SPIRE1: variants seen among roughly 807,000 people sequenced by gnomAD.
The protein encoded by SPIRE1 is spire type actin nucleation factor 1.
A neutral mutation model predicts 94.1 loss-of-function variants in SPIRE1; 40 were observed. That is an observed-to-expected ratio of 0.43 (90% CI 0.33 to 0.55). The LOEUF (loss-of-function observed/expected upper bound fraction) is 0.55. Ranked by LOEUF, SPIRE1 falls within the 20% of genes least tolerant of loss-of-function variation. The pLI is 0.06. For synonymous variants in SPIRE1, 376 were observed against 371.7 expected, an observed-to-expected ratio of 1.01 and a Z score of -0.13; for missense variants, 838 against 975.2, an observed-to-expected ratio of 0.86 and a Z score of 1.87.
chr18:12,508,136 T>C (rs1156572895), intron 5 of SPIRE1, among the ~76,000 whole-genome samples: 2 of 151,724 alleles, frequency 1.3e-5, no homozygotes, highest in Admixed American at 6.6e-5. Context: ...CAGAGTGAGA[T>C]TCCATCTCAA....
Position 12,657,972 on chromosome 18 carries a change from G to A in SPIRE1, c.-106C>T, listed in dbSNP as rs2038607273. On this transcript the variant is annotated 5_prime_UTR_variant, in exon 1 of 17. Coordinates refer to ENST00000409402, the MANE Select transcript of SPIRE1 (RefSeq NM_001128626.2). ...CCGCCTCACCATCCCCGGAACCGCC[G>A]CCGCCCAACGCGGCCGCGCGCGCCG... 4.0e-6 allele frequency: 4 copies of A among 995,136 alleles called. No homozygotes were observed. Among genetic ancestry groups the A allele is most frequent in the Non-Finnish European group, 4.8e-6 (4 of 837,298 alleles). The allele number at this position is 995,136 out of a possible 1,614,324, so 61.6% of individuals were successfully genotyped here. A position where few individuals can be genotyped will look rare whatever the true frequency, so the allele number is the denominator to read the frequency against.
chr18:12,493,234 G>A (rs760576924), intron 7 of SPIRE1, 33 bp from the exon 8 acceptor site: 1 of 1,587,280 alleles, frequency 6.3e-7, no homozygotes, highest in Admixed American at 1.9e-5. Flanking sequence ...AAAGACTTCA[G>A]TAATTAAGTA....
chr18:12,468,052 G>A (rs908450515), intron 10 of SPIRE1, among the ~76,000 whole-genome samples: 1 of 152,142 alleles, frequency 6.6e-6, no homozygotes, highest in African/African-American at 2.4e-5. Context: ...ACTCCAGGGT[G>A]GAAACCAGTT....
chr18:12,450,153 T>C (rs191340317), intron 16 of SPIRE1, among the ~76,000 whole-genome samples: 2 of 148,124 alleles, frequency 1.4e-5, no homozygotes, highest in East Asian at 2.0e-4. Context: ...GGCAGGCAGA[T>C]CACCTGAGGT....
chr18:12,523,595 G>A (rs945990077), intron 4 of SPIRE1, among the ~76,000 whole-genome samples: 6 of 152,238 alleles, frequency 3.9e-5, no homozygotes, highest in Non-Finnish European at 5.9e-5. Context: ...AGCCATTAAT[G>A]TCGGATCAAG....
rs369178917 is a variant in SPIRE1 at position 12,461,422 on chromosome 18, G to GTATGTATGTATATACATACA, written c.1638+1928_1638+1929insTGTATGTATATACATACATA. Among the ~76,000 whole-genome samples, 605 of 127,704 alleles carry GTATGTATGTATATACATACA rather than the reference G, an allele frequency of 4.7e-3. 3 individuals are homozygous for GTATGTATGTATATACATACA. Among genetic ancestry groups the GTATGTATGTATATACATACA allele is most frequent in the Middle Eastern group, 0.039 (9 of 228 alleles). 83.8% of individuals were successfully genotyped at this position (127,704 alleles called of 152,430 possible). On this transcript the variant is annotated intron_variant, in intron 12 of 16. Coordinates refer to ENST00000409402, the MANE Select transcript of SPIRE1 (RefSeq NM_001128626.2). ...CTTACCTATACACATGTATGTGTGT[G>GTATGTATGTATATACATACA]TGTGTGTATGTATGTATATACATAC... is the stretch of plus-strand genomic sequence containing the variant.
intron 2 of SPIRE1, among the ~76,000 whole-genome samples, chr18:12,550,933 T>TG (rs2035331170): frequency 6.6e-6 from 1 of 152,250 alleles, no homozygotes; most frequent in Non-Finnish European, 1.5e-5. Flanking sequence ...GTTTAATTGA[T>TG]GGAGTTCCTC....
chr18:12,602,812 G>A (rs1365123711), intron 2 of SPIRE1, among the ~76,000 whole-genome samples: 1 of 152,122 alleles, frequency 6.6e-6, no homozygotes, highest in Admixed American at 6.5e-5. Flanking sequence ...GCCTGCTCAG[G>A]GATTGGATCT....
intron 2 of SPIRE1, among the ~76,000 whole-genome samples, chr18:12,564,250 A>T (rs1365919779): frequency 6.6e-6 from 1 of 152,156 alleles, no homozygotes; most frequent in Non-Finnish European, 1.5e-5. Context: ...AATGGAACAG[A>T]CCCAGTGGGC....
intron 10 of SPIRE1, among the ~76,000 whole-genome samples, chr18:12,473,865 T>C (rs2032457318): frequency 6.6e-6 from 1 of 152,226 alleles, no homozygotes; most frequent in Non-Finnish European, 1.5e-5. Flanking sequence ...TTCTGGTGGA[T>C]GTCATCAAAT....
intron 2 of SPIRE1, among the ~76,000 whole-genome samples, chr18:12,588,747 C>G (rs369420344): frequency 2.8e-4 from 42 of 152,028 alleles, no homozygotes; most frequent in African/African-American, 9.6e-4. Context: ...CTATTAAAAA[C>G]TCCGGAAAAC....
intron 2 of SPIRE1, among the ~76,000 whole-genome samples, chr18:12,609,189 C>T (rs553800220): frequency 3.3e-5 from 5 of 152,182 alleles, no homozygotes; most frequent in Non-Finnish European, 7.3e-5. Context: ...TAACAGGCTG[C>T]GTCTGTAATG....
rs371469566 is a variant in SPIRE1 at position 12,449,653 on chromosome 18, C to G, written c.2256G>C (p.Thr752=). 3.1e-6 allele frequency: 5 copies of G among 1,613,890 alleles called. No homozygotes were observed. The African/African-American group carries it at 5.3e-5, about 17-fold the overall frequency. The change falls in exon 17 of 17, where the codon ACG becomes ACC. Residue 752 remains threonine (T), a synonymous_variant. Coordinates refer to ENST00000409402, the MANE Select transcript of SPIRE1 (RefSeq NM_001128626.2). ...GPSEYCPSER[T]ISEI ...GGCACGAGGCTCAGATCTCACTGATCGTCCTCTCTGAAGGGCAGTACTCCG... is the reference window on the plus strand; with the variant it reads ...GGCACGAGGCTCAGATCTCACTGATGGTCCTCTCTGAAGGGCAGTACTCCG...
intron 6 of SPIRE1, among the ~76,000 whole-genome samples, chr18:12,503,071 G>A (rs573686502): frequency 2.0e-4 from 30 of 150,828 alleles, no homozygotes; most frequent in African/African-American, 5.8e-4. Flanking sequence ...ATTACGCCAC[G>A]GTACTCCAGC....
intron 2 of SPIRE1, among the ~76,000 whole-genome samples, chr18:12,557,574 G>C (rs2035553485): frequency 6.6e-6 from 1 of 152,158 alleles, no homozygotes; most frequent in African/African-American, 2.4e-5. Flanking sequence ...GCCTTGGCCA[G>C]CCCAGAGAGG....
intron 8 of SPIRE1, among the ~76,000 whole-genome samples, chr18:12,490,944 A>G (rs753440915): frequency 2.6e-5 from 4 of 152,138 alleles, no homozygotes; most frequent in Admixed American, 2.6e-4. Flanking sequence ...TTAGGCAAAA[A>G]AAGAAATAAA....
intron 2 of SPIRE1, among the ~76,000 whole-genome samples, chr18:12,566,052 T>C (rs951938357): frequency 7.4e-5 from 11 of 149,312 alleles, no homozygotes; most frequent in African/African-American, 2.2e-4. Flanking sequence ...AAAAATTCTT[T>C]AGGCTGGGTG....
chr18:12,615,406 G>A (rs776505773), intron 2 of SPIRE1, among the ~76,000 whole-genome samples: 31 of 129,416 alleles, frequency 2.4e-4, no homozygotes, highest in East Asian at 4.3e-4. Context: ...TAGGCAAGGC[G>A]GCGTGCGCCT....
chr18:12,479,894 C>T, intron 9 of SPIRE1, 23 bp from the exon 10 acceptor site: 1 of 1,604,714 alleles, frequency 6.2e-7, no homozygotes. Context: ...CAAAAGCTTA[C>T]CTTTTCTTGA....
Sources: allele counts gnomAD v4.1 joint callset (sites outside exome capture counted in the v4.1 genomes callset), GRCh38; gene constraint gnomAD v4.1.1; transcripts MANE v1.5; gene names NCBI Gene and HGNC (gene_info 2026-07-23, HGNC 2026-07-21).